Variants in ASAP2 observed in about 807,000 individuals in gnomAD.
ASAP2 encodes ArfGAP with SH3 domain, ankyrin repeat and PH domain 2.
In ASAP2, 45 loss-of-function variants were observed where a neutral mutation model predicts 131.4. That is an observed-to-expected ratio of 0.34 (90% CI 0.27 to 0.44). ASAP2 has a LOEUF of 0.44. ASAP2 is among the 20% of genes least tolerant of loss of function. ASAP2 has a pLI of 1.00. For missense variants in ASAP2, 1,011 were observed against 1,297.0 expected, an observed-to-expected ratio of 0.78 and a Z score of 3.39; for synonymous variants, 510 against 503.0, an observed-to-expected ratio of 1.01 and a Z score of -0.19.
chr2:9,394,713 T>G (rs1675981155), intron 24 of ASAP2, among the ~76,000 whole-genome samples: 1 of 152,216 alleles, frequency 6.6e-6, no homozygotes, highest in African/African-American at 2.4e-5. Context: ...TTTCAGTTGT[T>G]CTAGTAACAA....
intron 26 of ASAP2, 58 bp from the exon 27 acceptor site, chr2:9,401,216 C>G (rs1377464252): frequency 6.2e-7 from 1 of 1,602,864 alleles, no homozygotes. Flanking sequence ...CTTGAGCTCT[C>G]TGCCCTGAGA....
In ASAP2 at chr2:9,392,909, T is replaced by A. The variant is rs113205990; in HGVS notation, c.2519-573T>A. On this transcript the variant is annotated intron_variant, in intron 23 of 27. Transcript: ENST00000281419. The surrounding 1 kb of genome is among the most constrained non-coding windows in gnomAD (Gnocchi z 4.0). ...CCAGGTCTTACCAGCTCTGCCACCC[T>A]TGACGAGAGCTCTTCCCCTCCGTGG... 6.3e-4 allele frequency among the ~76,000 whole-genome samples: 96 copies of A among 152,308 alleles called. No individual in the cohort carries two copies. Among genetic ancestry groups the A allele is most frequent in the African/African-American group, 2.1e-3 (86 of 41,570 alleles).
intron 3 of ASAP2, among the ~76,000 whole-genome samples, chr2:9,317,019 A>C (rs959939701): frequency 3.0e-5 from 4 of 135,394 alleles, no homozygotes; most frequent in Admixed American, 7.3e-5. Context: ...CCACACTCAC[A>C]CAACATGCAA....
At chr2:9,248,937 G>T (rs1664522641) in intron 1 of ASAP2, among the ~76,000 whole-genome samples, 1 of 152,180 alleles carries the variant, frequency 6.6e-6, no homozygotes, top group South Asian at 2.1e-4. Flanking sequence ...AAATCCAGAA[G>T]GAGGTAATTT....
intron 21 of ASAP2, among the ~76,000 whole-genome samples, chr2:9,386,434 A>G (rs1411865827): frequency 6.6e-6 from 1 of 152,090 alleles, no homozygotes; most frequent in African/African-American, 2.4e-5. Flanking sequence ...CTCTTCATCA[A>G]GCGGTCAGAT....
At chr2:9,348,298 G>T (rs546871105) in intron 11 of ASAP2, among the ~76,000 whole-genome samples, 1 of 149,308 alleles carries the variant, frequency 6.7e-6, no homozygotes, top group Admixed American at 6.6e-5. Flanking sequence ...TGTATTTTTA[G>T]TAGAGACTAA....
At position 9,388,434 on chromosome 2, in the gene ASAP2, C is replaced by T; in HGVS notation, c.2271C>T (p.Ile757=). The change falls in exon 22 of 28, where the codon ATC becomes ATT. Residue 757 remains isoleucine, a synonymous_variant. Transcript: ENST00000281419. ...AGCAGAGGGCTTTCATGCCCAGCAT[C>T]TTGCAGAATGAGACTTACGGAGCCC... ...KEKQRAFMPS[I]LQNETYGALL... 1 of 1,614,176 alleles carries T rather than the reference C, an allele frequency of 6.2e-7. No homozygotes were observed. Among genetic ancestry groups the T allele is most frequent in the Non-Finnish European group, 8.5e-7 (1 of 1,180,022 alleles).
At chr2:9,382,821 T>G (rs2709583) in intron 20 of ASAP2, among the ~76,000 whole-genome samples, 42,038 of 152,202 alleles carry the variant, frequency 0.28, 11,163 homozygotes, top group African/African-American at 0.7. Flanking sequence ...CATACACCAA[T>G]TGTAGTCGCC....
chr2:9,257,564 G>A (rs1016351284), intron 1 of ASAP2, among the ~76,000 whole-genome samples: 1 of 152,198 alleles, frequency 6.6e-6, no homozygotes, highest in Non-Finnish European at 1.5e-5. Flanking sequence ...TGTCACTCAG[G>A]CTGGAGTGCA....
chr2:9,300,259 A>C (rs1250851684), intron 3 of ASAP2, among the ~76,000 whole-genome samples: 1 of 152,230 alleles, frequency 6.6e-6, no homozygotes, highest in Non-Finnish European at 1.5e-5. Context: ...AGCAGCTAAT[A>C]TCTCTCTTGG....
chr2:9,271,885 G>A (rs1666428254), intron 1 of ASAP2, among the ~76,000 whole-genome samples: 1 of 152,006 alleles, frequency 6.6e-6, no homozygotes, highest in South Asian at 2.1e-4. Context: ...CAGCTGACAG[G>A]ATCTCATTCT....
chr2:9,366,119 C>T (rs547489040), intron 15 of ASAP2, among the ~76,000 whole-genome samples: 5 of 152,154 alleles, frequency 3.3e-5, no homozygotes, highest in South Asian at 4.2e-4. Flanking sequence ...TTGCTTTTGT[C>T]GATGGGTCTG....
At chr2:9,385,426 C>G in intron 21 of ASAP2, 68 bp downstream of exon 21, 2 of 1,235,900 alleles carry the variant, frequency 1.6e-6, no homozygotes, top group Admixed American at 3.6e-5. Context: ...GGGTCCTAAT[C>G]TGTAATTAAG....
Position 9,254,527 on chromosome 2 carries a change from A to ATTTTTTTTTTT in ASAP2, c.127-24774_127-24764dup, listed in dbSNP as rs546862626. Among the ~76,000 whole-genome samples, 5 of 28,012 alleles carry ATTTTTTTTTTT rather than the reference A, an allele frequency of 1.8e-4. 2 individuals carry two copies. The highest frequency in any genetic ancestry group is 6.4e-4 in the African/African-American group (5 of 7,782). 18.4% of individuals were successfully genotyped at this position (28,012 alleles called of 152,430 possible). ...ACCACTACCCCCAGCTAATTTTTGGATTTTTTTTTTTTTTTTTTTTTTTTT... is the reference window on the plus strand; with the variant it reads ...ACCACTACCCCCAGCTAATTTTTGGATTTTTTTTTTTTTTTTTTTTTTTTTTTTTTTTTTTT... On this transcript the variant is annotated intron_variant, in intron 1 of 27. Transcript: ENST00000281419.
chr2:9,297,462 A>G lies in ASAP2; in HGVS notation c.345+17A>G, dbSNP rs1444443799. ...AAAAACCTGGTAAGCAGCTCTGTGT[A>G]TGAAATGCTGCGGTTACTTCAGTTG... On this transcript the variant is annotated intron_variant, in intron 3 of 27. Transcript: ENST00000281419. The G allele has an allele frequency of 3.1e-6, 5 of 1,613,370 alleles. No individual in the cohort carries two copies. The African/African-American group carries it at 5.3e-5, about 17-fold the overall frequency.
At chr2:9,400,667 G>A in intron 25 of ASAP2, 75 bp from the exon 26 acceptor site, 2 of 1,351,114 alleles carry the variant, frequency 1.5e-6, no homozygotes, top group Non-Finnish European at 2.1e-6. Flanking sequence ...GACACACCCT[G>A]TGGCTTGTAC....
intron 2 of ASAP2, among the ~76,000 whole-genome samples, chr2:9,283,740 C>G (rs1480803199): frequency 6.6e-6 from 1 of 152,330 alleles, no homozygotes; most frequent in East Asian, 1.9e-4. Flanking sequence ...TGGATGGGTT[C>G]TGGTGAGGGC....
At chr2:9,349,992 G>C (rs1416697328) in intron 11 of ASAP2, among the ~76,000 whole-genome samples, 1 of 152,110 alleles carries the variant, frequency 6.6e-6, no homozygotes, top group African/African-American at 2.4e-5. Flanking sequence ...TTGGTAGGTG[G>C]GTAAGATAAG....
chr2:9,302,431 A>G (rs374441140), intron 3 of ASAP2, among the ~76,000 whole-genome samples: 94 of 150,028 alleles, frequency 6.3e-4, no homozygotes, highest in African/African-American at 2.2e-3. Context: ...TCGGCCTCCC[A>G]AAGTGCTAGG....
Sources: gnomAD v4.1 joint callset for allele counts (sites outside exome capture counted in the v4.1 genomes callset) on GRCh38, gnomAD v4.1.1 for gene constraint, Gnocchi (gnomAD v3.1) non-coding constraint, MANE v1.5 for transcripts, NCBI Gene and HGNC (gene_info 2026-07-23, HGNC 2026-07-21) for gene names.